The following ZNF560 variants were observed in gnomAD, a reference collection of about 807,000 sequenced individuals.
The protein encoded by ZNF560 is zinc finger protein 560.
ZNF560 carries 54 observed loss-of-function variants against 81.8 expected under a neutral mutation model. The observed-to-expected ratio is 0.66, with a 90% CI of 0.53 to 0.83. The LOEUF is 0.83. Among genes scored for constraint, ZNF560 ranks in the 40% least tolerant of loss-of-function variants. The pLI is 0.00. For missense variants in ZNF560, 940 were observed against 932.4 expected (o/e 1.01, Z -0.11); for synonymous variants, 321 against 317.9 (o/e 1.01, Z -0.10).
chr19:9,484,996 A>T (rs1370867984), intron 2 of ZNF560, among the ~76,000 whole-genome samples: 5 of 152,206 alleles, frequency 3.3e-5, no homozygotes, highest in African/African-American at 1.2e-4. Flanking sequence ...CCTAGCAGAG[A>T]TGTACAAATT....
chr19:9,479,872 G>T (rs554430377), intron 2 of ZNF560, among the ~76,000 whole-genome samples: 60 of 152,152 alleles, frequency 3.9e-4, no homozygotes, highest in African/African-American at 1.4e-3. Flanking sequence ...ATCCACAGGT[G>T]GGGGAGGGGT....
At chr19:9,494,245 A>G (rs2073520709) in intron 2 of ZNF560, among the ~76,000 whole-genome samples, 1 of 152,136 alleles carries the variant, frequency 6.6e-6, no homozygotes, top group South Asian at 2.1e-4. Flanking sequence ...TGCAGACTTA[A>G]CCATTATAAG....
At chr19:9,474,787 T>C (rs1360439013) in intron 3 of ZNF560, among the ~76,000 whole-genome samples, 2 of 150,440 alleles carry the variant, frequency 1.3e-5, no homozygotes, top group Non-Finnish European at 2.9e-5. Context: ...GCCTCCTGAG[T>C]AGCTAGGACT....
At chr19:9,505,977 ACTTTCTTTCTTT>A in the ZNF560 span, among the ~76,000 whole-genome samples, 2 of 149,908 alleles carry the variant, frequency 1.3e-5, no homozygotes, top group African/African-American at 4.9e-5. Context: ...ATTCATATTT[ACTTTCTTTCTTT>A]CTTTCTTTCT....
chr19:9,469,193 A>T lies in ZNF560; in HGVS notation c.530-6T>A, dbSNP rs2073084274. On this transcript the variant is annotated splice_region_variant and splice_polypyrimidine_tract_variant and intron_variant, in intron 8 of 9. Coordinates refer to ENST00000301480, the MANE Select transcript of ZNF560 (RefSeq NM_152476.3). ...TTTCAGGCACATTTTCCATTCTGAA[A>T]TAAAAGAGAAAAATATACATGAGAG... 1 of 1,576,740 alleles carries T rather than the reference A, an allele frequency of 6.3e-7. No homozygotes were observed. Among genetic ancestry groups the T allele is most frequent in the African/African-American group, 1.4e-5 (1 of 72,926 alleles).
intron 9 of ZNF560, 96 bp downstream of exon 9, chr19:9,469,009 T>C: frequency 1.0e-6 from 1 of 962,430 alleles, no homozygotes; most frequent in Non-Finnish European, 1.6e-6. Context: ...ATTAGAGGCA[T>C]GAGCCACCGT....
Position 9,466,523 on chromosome 19 carries a change from G to A in ZNF560, c.*51C>T. On this transcript the variant is annotated 3_prime_UTR_variant, in exon 10 of 10. Coordinates refer to ENST00000301480, the MANE Select transcript of ZNF560 (RefSeq NM_152476.3). ...AATTTTTACATGTTCAGTTAGGCTT[G>A]AGGAAACAGCAAAGGTTTTTCCACA... The A allele has an allele frequency of 6.7e-7, 1 of 1,502,856 alleles. No individual in the cohort carries two copies. Among genetic ancestry groups the A allele is most frequent in the Non-Finnish European group, 8.9e-7 (1 of 1,118,312 alleles). The allele number at this position is 1,502,856 out of a possible 1,614,324, so 93.1% of individuals were successfully genotyped here. A position where few individuals can be genotyped will look rare whatever the true frequency, so the allele number is the denominator to read the frequency against.
chr19:9,469,754 G>C, intron 7 of ZNF560, 44 bp from the exon 8 acceptor site: 1 of 1,566,424 alleles, frequency 6.4e-7, no homozygotes, highest in Non-Finnish European at 8.8e-7. Context: ...GCTCATGCAA[G>C]AAATGGCAAA....
chr19:9,472,061 G>T (rs2073131209), intron 5 of ZNF560, among the ~76,000 whole-genome samples: 1 of 150,814 alleles, frequency 6.6e-6, no homozygotes, highest in African/African-American at 2.4e-5. Context: ...GGTGAGCCAA[G>T]ATCGTGCCAC....
At chr19:9,469,311 T>C in intron 8 of ZNF560, 124 bp from the exon 9 acceptor site, 1 of 701,496 alleles carries the variant, frequency 1.4e-6, no homozygotes, top group Non-Finnish European at 2.4e-6. Flanking sequence ...GGTCAAGTTT[T>C]AGTAATTTTT....
the ZNF560 span, among the ~76,000 whole-genome samples, chr19:9,453,887 G>T: frequency 9.2e-5 from 14 of 152,328 alleles, no homozygotes; most frequent in South Asian, 1.0e-3. Flanking sequence ...GGCAATGATA[G>T]ACTAAGAAAA....
At chr19:9,499,861 G>T (rs1412402139), upstream of ZNF560, among the ~76,000 whole-genome samples, 1 of 152,084 alleles carries the variant, frequency 6.6e-6, no homozygotes, top group Non-Finnish European at 1.5e-5. Context: ...CACATTCTCA[G>T]TTTCCTTTTC....
intron 2 of ZNF560, among the ~76,000 whole-genome samples, chr19:9,478,700 T>C (rs1322517102): frequency 6.6e-6 from 1 of 152,124 alleles, no homozygotes; most frequent in Non-Finnish European, 1.5e-5. Flanking sequence ...GTTATCGGCT[T>C]AAAATATCCT....
rs1206666120 is a variant in ZNF560, at chr19:9,467,510, T to C, written c.1437A>G (p.Arg479=). 6.2e-7 allele frequency: 1 copy of C among 1,614,172 alleles called. No homozygotes were observed. Among genetic ancestry groups the C allele is most frequent in the Non-Finnish European group, 8.5e-7 (1 of 1,180,034 alleles). ...AGCGTTTCTGTCCTGTGTTACTTCT[T>C]CTATCTTCAATAACACCTGAGGATG... ...FGTSSGVIED[R]RSNTGQKRFD... Residue 479 remains arginine (R), a synonymous_variant, in exon 10 of 10, where the codon AGA becomes AGG. Transcript: ENST00000301480.
chr19:9,483,646 C>T (rs1469646084), intron 2 of ZNF560, among the ~76,000 whole-genome samples: 8 of 148,160 alleles, frequency 5.4e-5, no homozygotes, highest in African/African-American at 9.9e-5. Context: ...AGCCCCCCGC[C>T]GGCCAGCCGC....
At chr19:9,488,421 C>T (rs906090096) in intron 2 of ZNF560, among the ~76,000 whole-genome samples, 1 of 152,078 alleles carries the variant, frequency 6.6e-6, no homozygotes. Context: ...GTAGCTTACC[C>T]TTTGGTTTCT....
intron 4 of ZNF560, 64 bp from the exon 5 acceptor site, chr19:9,473,323 G>A: frequency 7.8e-7 from 1 of 1,275,448 alleles, no homozygotes; most frequent in African/African-American, 1.5e-5. Flanking sequence ...GCTCATGCCT[G>A]TAATCCCAGC....
chr19:9,454,374 G>C, the ZNF560 span, among the ~76,000 whole-genome samples: 80,023 of 152,036 alleles, frequency 0.53, 21,389 homozygotes, highest in Non-Finnish European at 0.55. Flanking sequence ...AGGTCTCCAT[G>C]ACCAAGCTGG....
intron 3 of ZNF560, 146 bp from the exon 4 acceptor site, chr19:9,474,471 C>G (rs2073169164): frequency 1.2e-6 from 1 of 868,812 alleles, no homozygotes; most frequent in African/African-American, 1.7e-5. Context: ...AGGTAAATCT[C>G]AGGTATTCCT....
Sources: gnomAD v4.1 joint callset for allele counts (sites outside exome capture counted in the v4.1 genomes callset) on GRCh38, gnomAD v4.1.1 for gene constraint, MANE v1.5 for transcripts, NCBI Gene and HGNC (gene_info 2026-07-23, HGNC 2026-07-21) for gene names.